A1CF: variants seen among roughly 807,000 people sequenced by gnomAD.
A1CF encodes APOBEC1 complementation factor, also known as APOBEC-1 stimulating protein.
A neutral mutation model predicts 68.9 loss-of-function variants in A1CF; 48 were observed. The observed-to-expected ratio is 0.70, with a 90% confidence interval of 0.55 to 0.89. A1CF has a LOEUF of 0.89. Among genes scored for constraint, A1CF ranks in the 40% least tolerant of loss-of-function variants. The pLI, the probability that A1CF is intolerant of heterozygous loss-of-function variation, is 0.00. For synonymous variants in A1CF, 272 were observed against 260.4 expected, an observed-to-expected ratio of 1.04 and a Z score of -0.43; for missense variants, 653 against 718.9, an observed-to-expected ratio of 0.91 and a Z score of 1.05.
chr10:50,820,229 C>G lies in A1CF; in HGVS notation c.867+323G>C, dbSNP rs557667596. ...AATACTGCACTAAAATGATGATAAT[C>G]TCTTTGAAGTAATGAGAGAAAACTG... is the stretch of plus-strand genomic sequence containing the variant. On this transcript the variant is annotated intron_variant, in intron 8 of 12. Coordinates refer to ENST00000373997, the MANE Select transcript of A1CF (RefSeq NM_014576.4). Among the ~76,000 whole-genome samples the G allele has an allele frequency of 3.3e-5, 5 of 152,238 alleles. No homozygotes were observed. The East Asian group carries it at 9.6e-4, about 29-fold the overall frequency.
intron 3 of A1CF, among the ~76,000 whole-genome samples, chr10:50,852,159 T>C (rs1189212073): frequency 4.6e-5 from 7 of 152,250 alleles, no homozygotes; most frequent in Admixed American, 4.6e-4. Context: ...AAAAAGTCTG[T>C]GCTTCTAGCT....
At chr10:50,861,759 G>T (rs1397329756) in intron 2 of A1CF, among the ~76,000 whole-genome samples, 1 of 147,370 alleles carries the variant, frequency 6.8e-6, no homozygotes, top group Non-Finnish European at 1.5e-5. Context: ...CTACTATTAT[G>T]ATTATAGTAA....
chr10:50,879,445 C>T (rs777676170), intron 1 of A1CF, among the ~76,000 whole-genome samples: 9 of 152,134 alleles, frequency 5.9e-5, no homozygotes, highest in Non-Finnish European at 8.8e-5. Context: ...AGTCTGTTCT[C>T]ATACTGCTAC....
At chr10:50,872,126 A>T (rs1841296768) in intron 1 of A1CF, among the ~76,000 whole-genome samples, 1 of 150,424 alleles carries the variant, frequency 6.6e-6, no homozygotes, top group African/African-American at 2.5e-5. Context: ...ATAGCTTATA[A>T]ACATGATTTA....
rs1837584194 is a variant in A1CF at position 50,801,129 on chromosome 10, C to T, written c.*5600G>A. The T allele has an allele frequency of 6.6e-6, 1 of 152,182 alleles. No individual in the cohort carries two copies. The highest frequency in any genetic ancestry group is 1.5e-5 in the Non-Finnish European group (1 of 68,070). 9.4% of individuals were successfully genotyped at this position (152,182 alleles called of 1,614,324 possible). ...CTTGCTCTGCCATATGAAGGCAGAA[C>T]TCAGGACTCACAGCCCAGGGGTTAT... On this transcript the variant is annotated 3_prime_UTR_variant, in exon 13 of 13. Coordinates refer to ENST00000373997, the MANE Select transcript of A1CF (RefSeq NM_014576.4).
intron 3 of A1CF, among the ~76,000 whole-genome samples, chr10:50,858,330 A>G (rs1288944026): frequency 1.3e-5 from 2 of 152,164 alleles, no homozygotes; most frequent in African/African-American, 4.8e-5. Flanking sequence ...AGGAAGAACC[A>G]GTATCCAGAA....
intron 1 of A1CF, among the ~76,000 whole-genome samples, chr10:50,874,997 G>A (rs566672154): frequency 4.3e-4 from 65 of 152,158 alleles, no homozygotes; most frequent in Non-Finnish European, 9.0e-4. Context: ...ACAATATGCA[G>A]TTGCATCTAG....
intron 1 of A1CF, among the ~76,000 whole-genome samples, chr10:50,871,043 TA>T (rs1187535979): frequency 3.3e-5 from 5 of 151,548 alleles, no homozygotes; most frequent in Admixed American, 2.0e-4. Context: ...AGTATTGGTT[TA>T]AAAAAAATCT....
rs1379132692 is a variant in A1CF at position 50,799,744 on chromosome 10, G to A, written c.*6985C>T. 2 of 152,018 alleles carry A rather than the reference G, an allele frequency of 1.3e-5. No homozygotes were observed. The highest frequency in any genetic ancestry group is 2.9e-5 in the Non-Finnish European group (2 of 67,960). The allele number at this position is 152,018 out of a possible 1,614,324, so 9.4% of individuals were successfully genotyped here. On this transcript the variant is annotated 3_prime_UTR_variant, in exon 13 of 13. Transcript: ENST00000373997. ...CATAAATAAAAATAATAACAAAAAA[G>A]AAAAGAAGAAAGAGATTGTTAAACA...
intron 2 of A1CF, among the ~76,000 whole-genome samples, chr10:50,862,252 G>A (rs1433186310): frequency 1.3e-5 from 2 of 151,984 alleles, no homozygotes; most frequent in Non-Finnish European, 2.9e-5. Flanking sequence ...TGTAATCCCA[G>A]CTACTTGGGA....
intron 3 of A1CF, among the ~76,000 whole-genome samples, chr10:50,847,513 A>T (rs1289622348): frequency 6.6e-6 from 1 of 152,226 alleles, no homozygotes; most frequent in African/African-American, 2.4e-5. Context: ...CCTTGGATAA[A>T]AGCCACAAAA....
chr10:50,839,101 A>G (rs1839654993), intron 5 of A1CF, among the ~76,000 whole-genome samples: 1 of 152,168 alleles, frequency 6.6e-6, no homozygotes, highest in South Asian at 2.1e-4. Flanking sequence ...TTTTATCTCT[A>G]TTTCACAGAC....
chr10:50,820,100 T>A (rs1349313729), intron 8 of A1CF, among the ~76,000 whole-genome samples: 5 of 152,208 alleles, frequency 3.3e-5, no homozygotes, highest in Non-Finnish European at 7.4e-5. Context: ...CCCCAGCCCC[T>A]ACTCTTGGCA....
intron 6 of A1CF, among the ~76,000 whole-genome samples, chr10:50,831,017 G>GC (rs1428267306): frequency 2.0e-5 from 3 of 152,156 alleles, no homozygotes; most frequent in Non-Finnish European, 4.4e-5. Context: ...AGAAGGAACA[G>GC]CCTCTTCAAC....
At chr10:50,855,245 G>C (rs571927584) in intron 3 of A1CF, among the ~76,000 whole-genome samples, 83 of 151,698 alleles carry the variant, frequency 5.5e-4, no homozygotes, top group African/African-American at 1.9e-3. Context: ...TTTGTCTTTA[G>C]CTATCAAAGA....
Position 50,836,318 on chromosome 10 carries a change from A to G in A1CF, c.366-6T>C, listed in dbSNP as rs752784298. The G allele has an allele frequency of 5.0e-6, 8 of 1,608,960 alleles. No homozygotes were observed. The Admixed American group carries it at 1.4e-4, about 27-fold the overall frequency. ...CCCCTAAGAGGCGCCCATTTCTGCA[A>G]AAAGAGCAGGGATTTTGATTGATGA... On this transcript the variant is annotated splice_region_variant and splice_polypyrimidine_tract_variant and intron_variant, in intron 5 of 12. Coordinates refer to ENST00000373997, the MANE Select transcript of A1CF (RefSeq NM_014576.4).
intron 3 of A1CF, among the ~76,000 whole-genome samples, chr10:50,853,863 C>T (rs1840361993): frequency 6.6e-6 from 1 of 150,500 alleles, no homozygotes; most frequent in Admixed American, 6.7e-5. Context: ...CATAAACAAG[C>T]TGTAGCCACA....
intron 6 of A1CF, among the ~76,000 whole-genome samples, chr10:50,833,772 G>A (rs2132418610): frequency 6.6e-6 from 1 of 152,280 alleles, no homozygotes; most frequent in Non-Finnish European, 1.5e-5. Context: ...GATCTCATTA[G>A]AGGTGAAGAA....
intron 1 of A1CF, among the ~76,000 whole-genome samples, chr10:50,870,326 A>G (rs1321124991): frequency 6.6e-6 from 1 of 151,946 alleles, no homozygotes; most frequent in East Asian, 1.9e-4. Context: ...GGAATCAAAG[A>G]TAAAAGTAGA....
Sources: allele counts gnomAD v4.1 joint callset (sites outside exome capture counted in the v4.1 genomes callset), GRCh38; gene constraint gnomAD v4.1.1; transcripts MANE v1.5; gene names NCBI Gene and HGNC (gene_info 2026-07-23, HGNC 2026-07-21).